The following COA1 variants were observed in gnomAD, a reference collection of about 807,000 sequenced individuals.
COA1 encodes cytochrome c oxidase assembly factor 1 homolog.
In COA1, 13 loss-of-function variants were observed where a neutral mutation model predicts 16.0. The ratio of observed to expected loss-of-function variants is 0.81; its 90% CI spans 0.53 to 1.29. The LOEUF (loss-of-function observed/expected upper bound fraction) is 1.29, where lower values mean the gene tolerates loss of function less well. Ranked by LOEUF, COA1 falls within the 50% of genes most tolerant of loss-of-function variation. COA1 has a pLI of 0.00. For synonymous variants in COA1, 65 were observed against 65.7 expected (o/e 0.99, Z 0.05); for missense variants, 179 against 177.0 (o/e 1.01, Z -0.06).
chr7:43,645,183 C>G, intron 4 of COA1, 68 bp downstream of exon 4: 1 of 1,510,736 alleles, frequency 6.6e-7, no homozygotes. Flanking sequence ...CAGGACTTTC[C>G]AGGAGACAGT....
intron 1 of COA1, among the ~76,000 whole-genome samples, chr7:43,701,872 A>G (rs992008676): frequency 6.6e-6 from 1 of 151,958 alleles, no homozygotes; most frequent in Admixed American, 6.6e-5. Flanking sequence ...TTGGCCATAT[A>G]TATGTCTTCT....
intron 1 of COA1, among the ~76,000 whole-genome samples, chr7:43,696,456 A>G (rs2094529700): frequency 6.6e-6 from 1 of 152,232 alleles, no homozygotes; most frequent in Admixed American, 6.5e-5. Context: ...CTATAAAAGC[A>G]AATTAACCAG....
intron 4 of COA1, among the ~76,000 whole-genome samples, chr7:43,644,284 C>T (rs2088074628): frequency 6.6e-6 from 1 of 152,168 alleles, no homozygotes; most frequent in East Asian, 1.9e-4. Context: ...GCCTTCTGCA[C>T]CTCTATTCCC....
chr7:43,626,824 T>C (rs2084599321), intron 6 of COA1: 1 of 152,240 alleles, frequency 6.6e-6, no homozygotes, highest in Non-Finnish European at 1.5e-5. Flanking sequence ...TTCTTTTAGC[T>C]GGCCACTTCA....
chr7:43,686,814 A>G (rs1232644088), intron 1 of COA1, among the ~76,000 whole-genome samples: 1 of 152,232 alleles, frequency 6.6e-6, no homozygotes, highest in African/African-American at 2.4e-5. Flanking sequence ...CAACGAGAAA[A>G]AGGCTCTGTA....
intron 1 of COA1, among the ~76,000 whole-genome samples, chr7:43,679,029 A>G (rs1214491026): frequency 6.6e-6 from 1 of 152,222 alleles, no homozygotes; most frequent in Non-Finnish European, 1.5e-5. Flanking sequence ...CTGTAATCCC[A>G]ACACTTCTGA....
intron 4 of COA1, among the ~76,000 whole-genome samples, chr7:43,644,278 T>C (rs993804532): frequency 9.2e-5 from 14 of 152,180 alleles, no homozygotes; most frequent in African/African-American, 2.9e-4. Context: ...CCAAAAGCCT[T>C]CTGCACCTCT....
At chr7:43,642,551 C>A (rs1050396204) in intron 4 of COA1, among the ~76,000 whole-genome samples, 1 of 152,152 alleles carries the variant, frequency 6.6e-6, no homozygotes, top group African/African-American at 2.4e-5. Context: ...AGAGTATACA[C>A]TGAGCATCTC....
At position 43,724,554 on chromosome 7, in the gene COA1, GA is replaced by G. The variant is rs75901570; in HGVS notation, c.-39+4874del. On this transcript the variant is annotated intron_variant, in intron 1 of 5. Coordinates refer to ENST00000223336, the MANE Select transcript of COA1 (RefSeq NM_018224.4). ...AGACAGAGCAAGACTCCATCTCAAA[GA>G]AAAAAAAAAAAAGAATTGAAAGCAG... Among the ~76,000 whole-genome samples the G allele has an allele frequency of 4.1e-3, 523 of 126,332 alleles. 1 individual carries two copies. The highest frequency in any genetic ancestry group is 0.012 in the African/African-American group (395 of 33,288). 82.9% of individuals were successfully genotyped at this position (126,332 alleles called of 152,430 possible).
intron 1 of COA1, among the ~76,000 whole-genome samples, chr7:43,670,077 C>T (rs1482332677): frequency 6.6e-6 from 1 of 152,082 alleles, no homozygotes; most frequent in Non-Finnish European, 1.5e-5. Flanking sequence ...AAGGATTCCA[C>T]TCTTATTTCC....
chr7:43,640,887 A>T (rs1323221592), intron 4 of COA1: 2 of 449,472 alleles, frequency 4.4e-6, no homozygotes, highest in Non-Finnish European at 3.9e-6. Flanking sequence ...GAGGACTCCT[A>T]TGTCAATGCT....
At chr7:43,646,887 T>C (rs1017564684) in intron 3 of COA1, 1 of 214,644 alleles carries the variant, frequency 4.7e-6, no homozygotes, top group South Asian at 5.9e-5. Flanking sequence ...TGGGTGGGGA[T>C]AAAGGAGCCT....
At chr7:43,637,772 C>CTAT (rs2086149167), downstream of COA1, among the ~76,000 whole-genome samples, 1 of 152,250 alleles carries the variant, frequency 6.6e-6, no homozygotes, top group Non-Finnish European at 1.5e-5. Flanking sequence ...CTACATAATA[C>CTAT]TATTTCCTAT....
At chr7:43,649,371 G>C (rs1049123259) in intron 1 of COA1, 4 of 152,236 alleles carry the variant, frequency 2.6e-5, no homozygotes, top group Non-Finnish European at 5.9e-5. Flanking sequence ...CGAGCTTTAA[G>C]ATATCTAATT....
At chr7:43,641,695 T>A (rs965518019) in intron 4 of COA1, 2 of 152,170 alleles carry the variant, frequency 1.3e-5, no homozygotes, top group Admixed American at 6.5e-5. Flanking sequence ...AGTTTCTCCT[T>A]CATCCCCAGC....
intron 1 of COA1, among the ~76,000 whole-genome samples, chr7:43,705,641 T>A (rs1363857827): frequency 6.6e-6 from 1 of 151,900 alleles, no homozygotes; most frequent in Non-Finnish European, 1.5e-5. Flanking sequence ...CCTAGAGGAG[T>A]ATGGTGTTAT....
At chr7:43,700,522 G>A (rs1344026793) in intron 1 of COA1, among the ~76,000 whole-genome samples, 2 of 129,254 alleles carry the variant, frequency 1.5e-5, no homozygotes, top group Non-Finnish European at 3.5e-5. Context: ...TTATAAAAAT[G>A]TAGGCAGATA....
chr7:43,629,246 C>T (rs191489205), intron 6 of COA1, among the ~76,000 whole-genome samples: 5 of 152,264 alleles, frequency 3.3e-5, no homozygotes, highest in South Asian at 2.1e-4. Context: ...GTAAAACAGA[C>T]GTTCTAATTT....
At chr7:43,619,993 A>G (rs1487842355) in intron 6 of COA1, among the ~76,000 whole-genome samples, 6 of 152,250 alleles carry the variant, frequency 3.9e-5, no homozygotes, top group Non-Finnish European at 7.3e-5. Flanking sequence ...TTTTCTTAAC[A>G]AAGTAGGATA....
Sources: allele counts gnomAD v4.1 joint callset (sites outside exome capture counted in the v4.1 genomes callset), GRCh38; gene constraint gnomAD v4.1.1; transcripts MANE v1.5; gene names NCBI Gene and HGNC (gene_info 2026-07-23, HGNC 2026-07-21).